Variants in ZNF407 observed in about 807,000 individuals in gnomAD.
ZNF407 encodes the protein zinc finger protein 407.
In ZNF407, 17 loss-of-function variants were observed where a neutral mutation model predicts 131.2. That is an observed-to-expected ratio of 0.13 (90% CI 0.09 to 0.19). ZNF407 has a LOEUF of 0.19. ZNF407 is among the 10% of genes least tolerant of loss of function. ZNF407 has a pLI of 1.00. For synonymous variants in ZNF407, 1,156 were observed against 1,062.0 expected, an observed-to-expected ratio of 1.09 and a Z score of -1.72; for missense variants, 2,681 against 2,830.6, an observed-to-expected ratio of 0.95 and a Z score of 1.20.
chr18:74,847,903 G>A (rs1225929283), intron 4 of ZNF407, among the ~76,000 whole-genome samples: 3 of 149,730 alleles, frequency 2.0e-5, no homozygotes, highest in East Asian at 1.9e-4. Context: ...CTTCTCTCAC[G>A]TTGGGAACCT....
At chr18:74,662,842 G>A (rs902671133) in intron 3 of ZNF407, among the ~76,000 whole-genome samples, 1 of 152,228 alleles carries the variant, frequency 6.6e-6, no homozygotes, top group African/African-American at 2.4e-5. Context: ...CAATAGAGAT[G>A]AGAACTGTCT....
chr18:74,846,069 CTAAT>C (rs756785286), intron 4 of ZNF407, among the ~76,000 whole-genome samples: 3 of 152,122 alleles, frequency 2.0e-5, no homozygotes, highest in Non-Finnish European at 4.4e-5. Context: ...AGGAAAGTAT[CTAAT>C]TAACTTCATG....
chr18:74,764,554 G>A (rs374954245), intron 3 of ZNF407, among the ~76,000 whole-genome samples: 122 of 152,228 alleles, frequency 8.0e-4, no homozygotes, highest in African/African-American at 2.8e-3. Flanking sequence ...AAATTAAAAA[G>A]CAATACAATA....
At chr18:74,956,575 G>A (rs1044807968) in intron 8 of ZNF407, among the ~76,000 whole-genome samples, 4 of 152,162 alleles carry the variant, frequency 2.6e-5, no homozygotes, top group African/African-American at 9.7e-5. Context: ...TGTGCAGCAA[G>A]CATTACATTG....
At chr18:74,601,317 G>T (rs1982568654) in intron 1 of ZNF407, among the ~76,000 whole-genome samples, 1 of 130,130 alleles carries the variant, frequency 7.7e-6, no homozygotes, top group Admixed American at 8.7e-5. Flanking sequence ...GTGTGTGTGT[G>T]TGTGTGTATG....
rs376759128 is a variant in ZNF407, at chr18:75,063,477, C to T, written c.5756C>T (p.Ala1919Val). 1.2e-6 allele frequency: 2 copies of T among 1,601,792 alleles called. No individual in the cohort carries two copies. The highest frequency in any genetic ancestry group is 1.7e-6 in the Non-Finnish European group (2 of 1,175,726). ...GTCATCGCCACGAGTCAGAGCGGGG[C>T]ACATGTAGGCAGCGTGGTGCCCGGA... ...GQVIATSQSG[A>V]HVGSVVPGPI... is the part of the protein sequence containing the mutation. Residue 1919 changes from alanine to valine, a missense_variant, in exon 9 of 9, where the codon GCA (alanine) becomes GTA (valine). Coordinates refer to ENST00000299687, the MANE Select transcript of ZNF407 (RefSeq NM_017757.3). This position sits in a 1 kb window ranked among gnomAD's most constrained non-coding sequence, Gnocchi z 6.6.
intron 8 of ZNF407, among the ~76,000 whole-genome samples, chr18:74,927,598 T>G (rs1028960402): frequency 6.6e-6 from 1 of 152,198 alleles, no homozygotes; most frequent in African/African-American, 2.4e-5. Flanking sequence ...TGTGTCTGTT[T>G]TCTCAACTGC....
chr18:74,811,823 A>G lies in ZNF407; in HGVS notation c.4877+30321A>G, dbSNP rs530495327. On this transcript the variant is annotated intron_variant, in intron 4 of 8. Transcript: ENST00000299687. ...CTCACTCATAGGTGGTAACTGAACAATGAGAACACATGGACACAGGAAGGG... is the reference window on the plus strand; with the variant it reads ...CTCACTCATAGGTGGTAACTGAACAGTGAGAACACATGGACACAGGAAGGG... Among the ~76,000 whole-genome samples, 3 of 151,110 alleles carry G rather than the reference A, an allele frequency of 2.0e-5. No homozygotes were observed. In the East Asian group the frequency reaches 5.8e-4, roughly 29 times the overall value.
Position 74,957,401 on chromosome 18 carries a change from C to A in ZNF407, c.5428+36709C>A, listed in dbSNP as rs78669890. Among the ~76,000 whole-genome samples, 1,294 of 151,850 alleles carry A rather than the reference C, an allele frequency of 8.5e-3. 18 individuals carry two copies. Among genetic ancestry groups the A allele is most frequent in the African/African-American group, 0.028 (1,175 of 41,380 alleles). On this transcript the variant is annotated intron_variant, in intron 8 of 8. Coordinates refer to ENST00000299687, the MANE Select transcript of ZNF407 (RefSeq NM_017757.3). Reference sequence around the variant, plus strand: ...TGCATTTTTTAATTACGTTAACTTACGGGGTTTTTTGGAATAATTCACTCT... The same window carrying A: ...TGCATTTTTTAATTACGTTAACTTAAGGGGTTTTTTGGAATAATTCACTCT...
At chr18:74,606,624 C>T (rs1359039407) in intron 1 of ZNF407, among the ~76,000 whole-genome samples, 7 of 152,048 alleles carry the variant, frequency 4.6e-5, no homozygotes, top group Non-Finnish European at 1.0e-4. Flanking sequence ...CTTTATGTGA[C>T]GACACAGAGC....
At position 74,877,356 on chromosome 18, in the gene ZNF407, G is replaced by T. The variant is rs759063473; in HGVS notation, c.5037G>T (p.Thr1679=). The change falls in exon 5 of 9, where the codon ACG becomes ACT. Residue 1679 remains threonine (T), a synonymous_variant. Transcript: ENST00000299687. ...CCGCAATGAAAGACCACTACAGGACGCACACAGGTGTGCCGCGCCGCCTTC... is the reference window on the plus strand; with the variant it reads ...CCGCAATGAAAGACCACTACAGGACTCACACAGGTGTGCCGCGCCGCCTTC... ...TASAMKDHYR[T]HTGEKSFLCD... 6 of 1,612,636 alleles carry T rather than the reference G, an allele frequency of 3.7e-6. No homozygotes were observed. Among genetic ancestry groups the T allele is most frequent in the East Asian group, 2.2e-5 (1 of 44,876 alleles).
At chr18:74,958,982 A>G (rs1193228188) in intron 8 of ZNF407, among the ~76,000 whole-genome samples, 1 of 152,210 alleles carries the variant, frequency 6.6e-6, no homozygotes, top group Non-Finnish European at 1.5e-5. Flanking sequence ...GATGCCTTTA[A>G]TAACTTTTCT....
intron 4 of ZNF407, among the ~76,000 whole-genome samples, chr18:74,872,949 TTAA>T (rs1255922102): frequency 1.3e-5 from 2 of 152,094 alleles, no homozygotes; most frequent in Non-Finnish European, 2.9e-5. Flanking sequence ...TAAATAACAT[TTAA>T]TAATGTATTT....
In ZNF407 at chr18:74,635,468, G is replaced by A. The variant is rs750586465; in HGVS notation, c.4449G>A (p.Gly1483=). The change falls in exon 2 of 9, where the codon GGG becomes GGA. Residue 1483 remains glycine, a synonymous_variant. Coordinates refer to ENST00000299687, the MANE Select transcript of ZNF407 (RefSeq NM_017757.3). This position sits in a 1 kb window ranked among gnomAD's most constrained non-coding sequence, Gnocchi z 4.7. The part of the protein sequence containing the change: ...QASVEELPEG[G]ATFKCVKCTE... Reference sequence around the variant, plus strand: ...GTGTGGAGGAGCTTCCGGAGGGAGGGGCCACCTTTAAATGTGTCAAGTGCA... The same window carrying A: ...GTGTGGAGGAGCTTCCGGAGGGAGGAGCCACCTTTAAATGTGTCAAGTGCA... The A allele has an allele frequency of 5.6e-6, 9 of 1,612,926 alleles. No homozygotes were observed. Among genetic ancestry groups the A allele is most frequent in the Middle Eastern group, 3.3e-4 (2 of 6,062 alleles).
At chr18:74,748,341 T>C (rs1000422674) in intron 3 of ZNF407, among the ~76,000 whole-genome samples, 1 of 151,698 alleles carries the variant, frequency 6.6e-6, no homozygotes, top group African/African-American at 2.4e-5. Context: ...ACTCCTAATA[T>C]ATATCTGGAC....
At chr18:74,865,043 G>A (rs1324266020) in intron 4 of ZNF407, among the ~76,000 whole-genome samples, 1 of 152,146 alleles carries the variant, frequency 6.6e-6, no homozygotes, top group Non-Finnish European at 1.5e-5. Context: ...CTGCATCTGT[G>A]AATACTTGAA....
At chr18:74,598,293 C>T (rs1368944216) in intron 1 of ZNF407, 2 of 152,316 alleles carry the variant, frequency 1.3e-5, no homozygotes, top group African/African-American at 2.4e-5. Flanking sequence ...GAGCGGAGCT[C>T]TTGTGGACAC....
In ZNF407 at chr18:75,031,817, C is replaced by T. The variant is rs114732584; in HGVS notation, c.5429-31333C>T. On this transcript the variant is annotated intron_variant, in intron 8 of 8. Transcript: ENST00000299687. The stretch of plus-strand genomic sequence containing the variant: ...GGAATTGTGGGCAATTACAGGATTT[C>T]AGATTCATTTTGTATTAAGTGTTTT... 5.4e-3 allele frequency among the ~76,000 whole-genome samples: 821 copies of T among 152,192 alleles called. 9 individuals are homozygous for T. Among genetic ancestry groups the T allele is most frequent in the African/African-American group, 0.018 (765 of 41,496 alleles).
At chr18:74,738,276 CA>C (rs1968464361) in intron 3 of ZNF407, among the ~76,000 whole-genome samples, 1 of 151,778 alleles carries the variant, frequency 6.6e-6, no homozygotes, top group South Asian at 2.1e-4. Flanking sequence ...AAAAATTAGC[CA>C]GGTGTGGCGG....
Sources: gnomAD v4.1 joint callset for allele counts (sites outside exome capture counted in the v4.1 genomes callset) on GRCh38, gnomAD v4.1.1 for gene constraint, Gnocchi (gnomAD v3.1) non-coding constraint, MANE v1.5 for transcripts, NCBI Gene and HGNC (gene_info 2026-07-23, HGNC 2026-07-21) for gene names.